The following COMMD10 variants were observed in gnomAD, a reference collection of about 807,000 sequenced individuals.
COMMD10 encodes the protein COMM domain-containing protein 10.
Under a neutral mutation model 28.9 loss-of-function variants are expected in COMMD10, and 33 were observed. The observed-to-expected ratio is 1.14, with a 90% CI of 0.87 to 1.53. COMMD10 has a LOEUF of 1.53. COMMD10 is among the 40% of genes most tolerant of loss of function. The pLI is 0.00. For missense variants in COMMD10, 310 were observed against 233.4 expected (o/e 1.33, Z -2.14); for synonymous variants, 110 against 81.7 (o/e 1.35, Z -1.87).
At chr5:116,265,333 A>T (rs182749768) in intron 5 of COMMD10, among the ~76,000 whole-genome samples, 1 of 151,852 alleles carries the variant, frequency 6.6e-6, no homozygotes, top group East Asian at 1.9e-4. Flanking sequence ...ATTCATGTAA[A>T]GGGCCTCTCA....
At chr5:116,236,177 C>G (rs1055384361) in intron 5 of COMMD10, among the ~76,000 whole-genome samples, 1 of 152,072 alleles carries the variant, frequency 6.6e-6, no homozygotes, top group African/African-American at 2.4e-5. Context: ...AAACTTGGTA[C>G]AACCAGACAA....
chr5:116,179,461 G>A (rs188641600), intron 5 of COMMD10, among the ~76,000 whole-genome samples: 1 of 152,200 alleles, frequency 6.6e-6, no homozygotes, highest in South Asian at 2.1e-4. Context: ...CCACGAGCCT[G>A]TGTGGAATGG....
At chr5:116,111,770 A>G (rs968164512) in intron 4 of COMMD10, among the ~76,000 whole-genome samples, 12 of 152,202 alleles carry the variant, frequency 7.9e-5, no homozygotes, top group African/African-American at 2.7e-4. Context: ...AGAATGTTCT[A>G]TAAATGTGTG....
At chr5:116,088,323 A>T (rs764568224) in intron 2 of COMMD10, among the ~76,000 whole-genome samples, 5 of 152,214 alleles carry the variant, frequency 3.3e-5, no homozygotes, top group Non-Finnish European at 7.3e-5. Flanking sequence ...AGTTCTCACA[A>T]TTCTAGGTCA....
intron 5 of COMMD10, among the ~76,000 whole-genome samples, chr5:116,160,296 A>G (rs779686556): frequency 2.0e-5 from 3 of 152,230 alleles, no homozygotes; most frequent in Non-Finnish European, 4.4e-5. Flanking sequence ...TTTAAAAAAT[A>G]TAAATTTACT....
At chr5:116,236,428 C>A (rs1015435374) in intron 5 of COMMD10, among the ~76,000 whole-genome samples, 3 of 148,140 alleles carry the variant, frequency 2.0e-5, no homozygotes, top group African/African-American at 7.5e-5. Context: ...AGCTTGATCC[C>A]AGGAGGCGGA....
chr5:116,198,352 T>C (rs1159778122), intron 5 of COMMD10, among the ~76,000 whole-genome samples: 1 of 152,156 alleles, frequency 6.6e-6, no homozygotes, highest in Non-Finnish European at 1.5e-5. Context: ...ACCTTATTTA[T>C]TAAAAAATAA....
At chr5:116,129,311 A>C (rs930439169) in intron 4 of COMMD10, among the ~76,000 whole-genome samples, 6 of 147,988 alleles carry the variant, frequency 4.1e-5, no homozygotes, top group Non-Finnish European at 8.9e-5. Context: ...CAGGGTTGTT[A>C]GTTTTCTTTG....
intron 4 of COMMD10, among the ~76,000 whole-genome samples, chr5:116,119,716 A>C (rs1160982547): frequency 6.6e-6 from 1 of 151,864 alleles, no homozygotes; most frequent in African/African-American, 2.4e-5. Flanking sequence ...GGCTCAAGGG[A>C]TCCTCCTGCC....
At chr5:116,141,094 A>C (rs1561626218) in intron 5 of COMMD10, among the ~76,000 whole-genome samples, 1 of 151,062 alleles carries the variant, frequency 6.6e-6, no homozygotes, top group Non-Finnish European at 1.5e-5. Flanking sequence ...ATCTCTTTTG[A>C]GTTTGATTTT....
chr5:116,086,811 C>G (rs1160288531), intron 1 of COMMD10, among the ~76,000 whole-genome samples: 2 of 151,982 alleles, frequency 1.3e-5, no homozygotes, highest in African/African-American at 4.8e-5. Context: ...AACTCTGTCT[C>G]TACAAAAAAT....
chr5:116,100,918 A>G (rs1750639286), intron 4 of COMMD10, among the ~76,000 whole-genome samples: 1 of 152,090 alleles, frequency 6.6e-6, no homozygotes. Context: ...CTGAGTCTCC[A>G]TTGTCTGTCA....
chr5:116,086,244 G>A (rs1037305260), intron 1 of COMMD10, among the ~76,000 whole-genome samples: 2 of 152,160 alleles, frequency 1.3e-5, no homozygotes, highest in African/African-American at 4.8e-5. Flanking sequence ...CCAGCCTCCT[G>A]ACCCTATTTT....
In COMMD10 at chr5:116,293,263, T is replaced by G. The variant is rs902873790; in HGVS notation, c.*774T>G. 1.7e-5 allele frequency: 6 copies of G among 347,856 alleles called. No individual in the cohort carries two copies. Among genetic ancestry groups the G allele is most frequent in the Non-Finnish European group, 3.1e-5 (6 of 194,714 alleles). 21.5% of individuals were successfully genotyped at this position (347,856 alleles called of 1,614,324 possible). A position where few individuals can be genotyped will look rare whatever the true frequency, so the allele number is the denominator to read the frequency against. On this transcript the variant is annotated 3_prime_UTR_variant, in exon 7 of 7. Transcript: ENST00000274458. ...CTTTCCATAAATACGTTGATTTCTG[T>G]CAATAAAATTTTTGTGTCTTAGGAT...
chr5:116,245,412 T>A (rs1035286226), intron 5 of COMMD10, among the ~76,000 whole-genome samples: 1 of 152,092 alleles, frequency 6.6e-6, no homozygotes, highest in African/African-American at 2.4e-5. Flanking sequence ...TTCTCCCAGA[T>A]GTATGAAGAA....
chr5:116,103,337 T>G (rs1750727796), intron 4 of COMMD10, among the ~76,000 whole-genome samples: 1 of 152,198 alleles, frequency 6.6e-6, no homozygotes, highest in South Asian at 2.1e-4. Flanking sequence ...ATCTGTTGTT[T>G]CCTGACTTTT....
chr5:116,238,397 A>G (rs1749734413), intron 5 of COMMD10, among the ~76,000 whole-genome samples: 1 of 152,152 alleles, frequency 6.6e-6, no homozygotes, highest in Admixed American at 6.5e-5. Flanking sequence ...TGATGATTTT[A>G]TTATATGTCA....
intron 5 of COMMD10, among the ~76,000 whole-genome samples, chr5:116,245,494 G>T (rs191380794): frequency 6.6e-6 from 1 of 152,140 alleles, no homozygotes; most frequent in East Asian, 1.9e-4. Context: ...ATCCTGTGAG[G>T]CTAGCATCAC....
intron 5 of COMMD10, among the ~76,000 whole-genome samples, chr5:116,183,868 C>G (rs1372250571): frequency 1.3e-5 from 2 of 152,068 alleles, no homozygotes; most frequent in Admixed American, 6.6e-5. Context: ...AGAATTAGTG[C>G]TTATTAGAAA....
Sources: allele counts gnomAD v4.1 joint callset (sites outside exome capture counted in the v4.1 genomes callset), GRCh38; gene constraint gnomAD v4.1.1; transcripts MANE v1.5; gene names NCBI Gene and HGNC (gene_info 2026-07-23, HGNC 2026-07-21).